Variants in MICAL2 observed in about 807,000 individuals in gnomAD.
The protein encoded by MICAL2 is microtubule associated monooxygenase, calponin and LIM domain containing 2.
MICAL2 carries 77 observed loss-of-function variants against 127.3 expected under a neutral mutation model. That is an observed-to-expected ratio of 0.60 (90% CI 0.50 to 0.73). The LOEUF (loss-of-function observed/expected upper bound fraction) is 0.73, where lower values mean the gene tolerates loss of function less well. Among genes scored for constraint, MICAL2 ranks in the 30% least tolerant of loss-of-function variants. The pLI, the probability that MICAL2 is intolerant of heterozygous loss-of-function variation, is 0.00. For synonymous variants in MICAL2, 570 were observed against 551.1 expected, an observed-to-expected ratio of 1.03 and a Z score of -0.48; for missense variants, 1,351 against 1,434.4, an observed-to-expected ratio of 0.94 and a Z score of 0.94.
chr11:12,196,765 G>T (rs530717699), intron 3 of MICAL2, among the ~76,000 whole-genome samples: 18 of 152,084 alleles, frequency 1.2e-4, no homozygotes, highest in Non-Finnish European at 2.2e-4. Context: ...TCTTCAGTCT[G>T]CCATCCAAGT....
At chr11:12,328,314 G>A (rs1277839257) in intron 32 of MICAL2, among the ~76,000 whole-genome samples, 1 of 152,176 alleles carries the variant, frequency 6.6e-6, no homozygotes, top group Non-Finnish European at 1.5e-5. Flanking sequence ...ATAGGAACAA[G>A]CATTAGGGTA....
chr11:12,145,769 C>T (rs1852833551), intron 2 of MICAL2, among the ~76,000 whole-genome samples: 1 of 152,178 alleles, frequency 6.6e-6, no homozygotes, highest in Non-Finnish European at 1.5e-5. Flanking sequence ...TGTATAGGCT[C>T]TTATGCAGAC....
At chr11:12,158,280 A>G (rs1262810132) in intron 2 of MICAL2, among the ~76,000 whole-genome samples, 5 of 152,216 alleles carry the variant, frequency 3.3e-5, no homozygotes, top group Non-Finnish European at 7.3e-5. Flanking sequence ...TAACTCCTTG[A>G]CCCAGAAAGC....
chr11:12,331,101 A>C (rs920604613), intron 32 of MICAL2, among the ~76,000 whole-genome samples: 3 of 152,016 alleles, frequency 2.0e-5, no homozygotes, highest in Non-Finnish European at 2.9e-5. Context: ...TTAGACTCTT[A>C]TTGGTTGAGG....
chr11:12,334,410 C>G (rs1938707643), intron 32 of MICAL2, among the ~76,000 whole-genome samples: 1 of 151,650 alleles, frequency 6.6e-6, no homozygotes, highest in South Asian at 2.1e-4. Context: ...ACAGACACAA[C>G]CATCCTTTTT....
intron 34 of MICAL2, among the ~76,000 whole-genome samples, chr11:12,357,998 G>A (rs1043709675): frequency 6.6e-6 from 1 of 152,104 alleles, no homozygotes; most frequent in African/African-American, 2.4e-5. Flanking sequence ...TTGGGGCAGA[G>A]GGAAGGTTGG....
chr11:12,342,511 A>G (rs1427317596), intron 32 of MICAL2, among the ~76,000 whole-genome samples: 8 of 152,240 alleles, frequency 5.3e-5, no homozygotes, highest in Non-Finnish European at 1.2e-4. Flanking sequence ...CTGAATTCTA[A>G]AGGTGAACAG....
intron 26 of MICAL2, chr11:12,261,934 A>T: frequency 1.0e-6 from 1 of 987,706 alleles, no homozygotes; most frequent in Non-Finnish European, 1.2e-6. Context: ...GTGAACGGCC[A>T]TGTTATTGTG....
chr11:12,287,447 G>A (rs1590721694), downstream of MICAL2: 4 of 284,974 alleles, frequency 1.4e-5, no homozygotes, highest in East Asian at 2.3e-4. Flanking sequence ...CAGGGCCTTA[G>A]CCATCATTGC....
chr11:12,132,495 A>G (rs1483246089), intron 1 of MICAL2, among the ~76,000 whole-genome samples: 2 of 152,250 alleles, frequency 1.3e-5, no homozygotes, highest in African/African-American at 4.8e-5. Flanking sequence ...TATGAAAAGA[A>G]AAAGAAAAGT....
At chr11:12,185,973 T>A (rs1427568725) in intron 3 of MICAL2, among the ~76,000 whole-genome samples, 1 of 152,134 alleles carries the variant, frequency 6.6e-6, no homozygotes, top group East Asian at 1.9e-4. Flanking sequence ...AGCAAAGGAG[T>A]CATGGAACTA....
intron 3 of MICAL2, among the ~76,000 whole-genome samples, chr11:12,197,272 G>A (rs1390282216): frequency 1.3e-5 from 2 of 152,192 alleles, no homozygotes; most frequent in Non-Finnish European, 2.9e-5. Flanking sequence ...CTATTACCAT[G>A]GCCAAGTCAT....
chr11:12,137,427 T>C (rs2133597176), intron 1 of MICAL2, among the ~76,000 whole-genome samples: 1 of 152,362 alleles, frequency 6.6e-6, no homozygotes, highest in Admixed American at 6.5e-5. Flanking sequence ...TGTAAGCCTC[T>C]GTTTGCTGTC....
chr11:12,236,147 G>T, intron 15 of MICAL2, 30 bp from the exon 16 acceptor site: 1 of 1,607,850 alleles, frequency 6.2e-7, no homozygotes, highest in Middle Eastern at 1.7e-4. Context: ...GTGGCCCCCA[G>T]AGCTCACCCT....
At chr11:12,327,855 A>C (rs928232216) in intron 32 of MICAL2, among the ~76,000 whole-genome samples, 1 of 150,266 alleles carries the variant, frequency 6.7e-6, no homozygotes, top group Non-Finnish European at 1.5e-5. Context: ...CAGGAGAAAT[A>C]TATGGGTATT....
At chr11:12,356,383 A>C (rs190298874) in intron 34 of MICAL2, among the ~76,000 whole-genome samples, 3 of 152,314 alleles carry the variant, frequency 2.0e-5, no homozygotes, top group Admixed American at 1.3e-4. Context: ...GAAAATGTGC[A>C]GTCTTGAAGA....
In MICAL2 at chr11:12,216,262, C is replaced by A; in HGVS notation, c.891C>A (p.His297Gln). The A allele has an allele frequency of 6.2e-7, 1 of 1,614,074 alleles. No homozygotes were observed. Among genetic ancestry groups the A allele is most frequent in the Non-Finnish European group, 8.5e-7 (1 of 1,179,932 alleles). The change falls in exon 8 of 28, where the codon CAC becomes CAA. Residue 297 changes from histidine to glutamine, a missense_variant. His to Gln is a conservative substitution (Grantham distance 24, BLOSUM62 0). Around this residue, in one of 2 missense-constraint regions of MICAL2, gnomAD observed 599 missense variants for 714.9 expected, o/e 0.84. Transcript: ENST00000683283. ...TTGTTTACTACAAGGACTGCACCCA[C>A]TATTTTGTAATGACAGCCAAGAAGC... ...ENIVYYKDCT[H>Q]YFVMTAKKQS...
chr11:12,286,786 T>G (rs1863832046), intron 2 of MICAL2: 1 of 210,994 alleles, frequency 4.7e-6, no homozygotes, highest in African/African-American at 2.3e-5. Flanking sequence ...GAGGTGGGAG[T>G]ATCATTTGAG....
At chr11:12,350,075 A>G (rs1565312840) in intron 33 of MICAL2, 1 of 630,226 alleles carries the variant, frequency 1.6e-6, no homozygotes, top group Non-Finnish European at 2.8e-6. Flanking sequence ...TTGATATTTT[A>G]TGTCTTGCAT....
Sources: gnomAD v4.1 joint callset for allele counts (sites outside exome capture counted in the v4.1 genomes callset) on GRCh38, gnomAD v4.1.1 for gene constraint, gnomAD v4.1.1 regional missense constraint, MANE v1.5 for transcripts, NCBI Gene and HGNC (gene_info 2026-07-23, HGNC 2026-07-21) for gene names.